CNTNAP2: variants seen among roughly 807,000 people sequenced by gnomAD.
CNTNAP2 encodes contactin associated protein 2.
In CNTNAP2, 98 loss-of-function variants were observed where a neutral mutation model predicts 155.2. The ratio of observed to expected loss-of-function variants is 0.63; its 90% CI spans 0.54 to 0.75. CNTNAP2 has a LOEUF of 0.75. Ranked by LOEUF, CNTNAP2 falls within the 30% of genes least tolerant of loss-of-function variation. The pLI is 0.00. For synonymous variants in CNTNAP2, 651 were observed against 631.2 expected, an observed-to-expected ratio of 1.03 and a Z score of -0.47; for missense variants, 1,727 against 1,688.1, an observed-to-expected ratio of 1.02 and a Z score of -0.40.
chr7:148,071,059 T>C (rs796195395), intron 15 of CNTNAP2, among the ~76,000 whole-genome samples: 9 of 152,320 alleles, frequency 5.9e-5, no homozygotes, highest in African/African-American at 1.9e-4. Flanking sequence ...TTTCTAACAA[T>C]GTTTATCATT....
chr7:147,989,999 C>T (rs1801681908), intron 15 of CNTNAP2, among the ~76,000 whole-genome samples: 1 of 152,230 alleles, frequency 6.6e-6, no homozygotes, highest in African/African-American at 2.4e-5. Context: ...TCTTCACACA[C>T]CAGCTGCAAA....
intron 1 of CNTNAP2, among the ~76,000 whole-genome samples, chr7:146,272,743 A>T (rs757522696): frequency 6.6e-6 from 1 of 152,132 alleles, no homozygotes; most frequent in Non-Finnish European, 1.5e-5. Flanking sequence ...GAGGCAATAG[A>T]TTGAGGAGTA....
chr7:146,647,269 C>G (rs1163310682), intron 1 of CNTNAP2, among the ~76,000 whole-genome samples: 1 of 152,098 alleles, frequency 6.6e-6, no homozygotes, highest in Non-Finnish European at 1.5e-5. Flanking sequence ...GAGCTCCTTT[C>G]CTCACCCCAT....
At chr7:147,993,708 T>A (rs985677712) in intron 15 of CNTNAP2, among the ~76,000 whole-genome samples, 1 of 152,248 alleles carries the variant, frequency 6.6e-6, no homozygotes, top group Non-Finnish European at 1.5e-5. Context: ...CTTTGTCTTA[T>A]GACTTTACAA....
intron 3 of CNTNAP2, among the ~76,000 whole-genome samples, chr7:146,931,926 GA>G (rs1796768452): frequency 6.6e-6 from 1 of 152,006 alleles, no homozygotes; most frequent in Non-Finnish European, 1.5e-5. Flanking sequence ...AACAGGCTCT[GA>G]AATTGTGGCA....
chr7:147,206,900 A>T (rs1034448385), intron 8 of CNTNAP2, among the ~76,000 whole-genome samples: 1 of 152,228 alleles, frequency 6.6e-6, no homozygotes, highest in Non-Finnish European at 1.5e-5. Context: ...ACAGAGAATC[A>T]GAAGCTTACA....
At chr7:147,820,146 T>C (rs879771944) in intron 13 of CNTNAP2, among the ~76,000 whole-genome samples, 3 of 152,118 alleles carry the variant, frequency 2.0e-5, no homozygotes, top group Non-Finnish European at 4.4e-5. Flanking sequence ...GCTTTTCCCT[T>C]ACCAACATTT....
At chr7:146,415,182 G>A (rs530343523) in intron 1 of CNTNAP2, among the ~76,000 whole-genome samples, 2 of 152,080 alleles carry the variant, frequency 1.3e-5, no homozygotes, top group African/African-American at 2.4e-5. Flanking sequence ...AACTGCCATG[G>A]TGAGCACTCT....
intron 1 of CNTNAP2, among the ~76,000 whole-genome samples, chr7:146,589,169 G>A (rs530857829): frequency 6.6e-6 from 1 of 152,276 alleles, no homozygotes; most frequent in African/African-American, 2.4e-5. Context: ...ATTGCTGTAA[G>A]AATGCTATTG....
chr7:147,975,232 A>G (rs1275727620), intron 14 of CNTNAP2, among the ~76,000 whole-genome samples: 1 of 152,152 alleles, frequency 6.6e-6, no homozygotes, highest in Non-Finnish European at 1.5e-5. Flanking sequence ...TTCCATGCAC[A>G]TAAAGGTCAA....
At chr7:146,552,920 TCC>T (rs1798143384) in intron 1 of CNTNAP2, among the ~76,000 whole-genome samples, 1 of 152,150 alleles carries the variant, frequency 6.6e-6, no homozygotes, top group South Asian at 2.1e-4. Context: ...AAGGCCACTT[TCC>T]AGTAAAGGCT....
intron 1 of CNTNAP2, among the ~76,000 whole-genome samples, chr7:146,303,105 TGTGC>T (rs1800642469): frequency 6.7e-6 from 1 of 148,826 alleles, no homozygotes; most frequent in Non-Finnish European, 1.5e-5. Flanking sequence ...TGTGTGTGTG[TGTGC>T]GCATGCATAC....
At chr7:146,369,347 T>G (rs935817412) in intron 1 of CNTNAP2, among the ~76,000 whole-genome samples, 2 of 152,102 alleles carry the variant, frequency 1.3e-5, no homozygotes, top group Non-Finnish European at 2.9e-5. Flanking sequence ...AATGTTTTGA[T>G]GTTTCGTACA....
chr7:147,995,529 G>GTTTT (rs201683391), intron 15 of CNTNAP2, among the ~76,000 whole-genome samples: 1 of 114,114 alleles, frequency 8.8e-6, no homozygotes, highest in Admixed American at 1.0e-4. Context: ...TAATTCTTTT[G>GTTTT]TTGTTTTTTT....
intron 13 of CNTNAP2, among the ~76,000 whole-genome samples, chr7:147,868,784 T>C (rs761648264): frequency 1.3e-5 from 2 of 152,220 alleles, no homozygotes; most frequent in Non-Finnish European, 2.9e-5. Context: ...AAGCCAGGCA[T>C]GGGAAAGGTT....
intron 1 of CNTNAP2, among the ~76,000 whole-genome samples, chr7:146,262,437 C>A (rs1799932083): frequency 6.6e-6 from 1 of 152,090 alleles, no homozygotes; most frequent in South Asian, 2.1e-4. Context: ...TCCAGGAAAT[C>A]CAGTTGAGCA....
chr7:147,177,591 C>T (rs4726822), intron 8 of CNTNAP2, among the ~76,000 whole-genome samples: 62,935 of 152,072 alleles, frequency 0.41, 13,568 homozygotes, highest in East Asian at 0.58. Context: ...TTTCTGGATA[C>T]ATACTCTTCT....
At chr7:146,951,297 AATT>A (rs1192473591) in intron 3 of CNTNAP2, among the ~76,000 whole-genome samples, 1 of 152,080 alleles carries the variant, frequency 6.6e-6, no homozygotes, top group Non-Finnish European at 1.5e-5. Flanking sequence ...TCTTTAGTTT[AATT>A]AGATCCCATT....
At chr7:147,866,095 T>A (rs6464845) in intron 13 of CNTNAP2, among the ~76,000 whole-genome samples, 90,941 of 151,950 alleles carry the variant, frequency 0.6, 27,510 homozygotes, top group Middle Eastern at 0.7. Flanking sequence ...CTGCTTTAAA[T>A]GTGTCCCAGA....
Sources: gnomAD v4.1 joint callset for allele counts (sites outside exome capture counted in the v4.1 genomes callset) on GRCh38, gnomAD v4.1.1 for gene constraint, MANE v1.5 for transcripts, NCBI Gene and HGNC (gene_info 2026-07-23, HGNC 2026-07-21) for gene names.